ADK: variants seen among roughly 807,000 people sequenced by gnomAD.
ADK encodes adenosine kinase.
In ADK, 24 loss-of-function variants were observed where a neutral mutation model predicts 44.7. The observed-to-expected ratio is 0.54, with a 90% CI of 0.39 to 0.76. The LOEUF (loss-of-function observed/expected upper bound fraction) is 0.76, where lower values mean the gene tolerates loss of function less well. Among genes scored for constraint, ADK ranks in the 30% least tolerant of loss-of-function variants. ADK has a pLI of 0.00. For missense variants in ADK, 321 were observed against 425.1 expected, an observed-to-expected ratio of 0.76 and a Z score of 2.15; for synonymous variants, 128 against 142.6, an observed-to-expected ratio of 0.90 and a Z score of 0.73.
Position 74,204,298 on chromosome 10 carries a change from C to T in ADK, c.140+3460C>T, listed in dbSNP as rs192763188. On this transcript the variant is annotated intron_variant, in intron 2 of 10. Transcript: ENST00000539909. ...ATTTTAGCAGTGTTTAGTAGGTTTT[C>T]AGTGCATAAGTCTTATACTTCTTTG... Among the ~76,000 whole-genome samples the T allele has an allele frequency of 1.2e-3, 189 of 152,190 alleles. No individual in the cohort carries two copies. In the Middle Eastern group the frequency reaches 0.014, roughly 11 times the overall value.
At chr10:74,700,451 C>T (rs1289382582) in intron 10 of ADK, among the ~76,000 whole-genome samples, 1 of 152,118 alleles carries the variant, frequency 6.6e-6, no homozygotes, top group African/African-American at 2.4e-5. Flanking sequence ...CCACGTTGGC[C>T]AGGCAGGTCT....
rs66502036 is a variant in ADK, at chr10:74,695,472, ATGTG to A, written c.965-12827_965-12824del. Among the ~76,000 whole-genome samples the A allele has an allele frequency of 1.6e-3, 232 of 148,588 alleles. 2 individuals are homozygous for A. Among genetic ancestry groups the A allele is most frequent in the Middle Eastern group, 3.5e-3 (1 of 286 alleles). Reference sequence around the variant, plus strand: ...AAAACTGTTGCTCTTGTATATATATATGTGTGTGTGTGTGTGTGTGTGTGTATGT... The same window carrying A: ...AAAACTGTTGCTCTTGTATATATATATGTGTGTGTGTGTGTGTGTGTATGT... On this transcript the variant is annotated intron_variant, in intron 10 of 10. Transcript: ENST00000539909.
At chr10:74,535,893 T>C (rs1283795265) in intron 7 of ADK, among the ~76,000 whole-genome samples, 1 of 152,078 alleles carries the variant, frequency 6.6e-6, no homozygotes, top group Non-Finnish European at 1.5e-5. Context: ...CAGCTGACCC[T>C]ATTTTAAATA....
chr10:74,348,752 A>G (rs752140916), intron 4 of ADK, among the ~76,000 whole-genome samples: 1 of 151,822 alleles, frequency 6.6e-6, no homozygotes, highest in Admixed American at 6.6e-5. Context: ...CAGCACGAGC[A>G]CTTCATGAAG....
At chr10:74,196,399 G>A (rs546675243) in intron 1 of ADK, among the ~76,000 whole-genome samples, 1 of 152,216 alleles carries the variant, frequency 6.6e-6, no homozygotes, top group Admixed American at 6.5e-5. Context: ...AATTAGCTGG[G>A]CATAGTGGTG....
chr10:74,396,656 A>G (rs1438778802), intron 5 of ADK, among the ~76,000 whole-genome samples: 2 of 152,238 alleles, frequency 1.3e-5, no homozygotes, highest in East Asian at 3.9e-4. Flanking sequence ...GATAATAAGA[A>G]TACTCATATT....
intron 3 of ADK, among the ~76,000 whole-genome samples, chr10:74,245,594 G>GTTTTT (rs11377208): frequency 7.1e-6 from 1 of 141,270 alleles, no homozygotes; most frequent in Non-Finnish European, 1.5e-5. Flanking sequence ...TTTTGTTTTT[G>GTTTTT]TTTTTTTTTT....
chr10:74,261,493 ATTAGT>A (rs779037220), intron 3 of ADK, among the ~76,000 whole-genome samples: 2 of 152,000 alleles, frequency 1.3e-5, no homozygotes, highest in Non-Finnish European at 2.9e-5. Context: ...TTTTAGTCTT[ATTAGT>A]TTATGCCCTT....
intron 1 of ADK, among the ~76,000 whole-genome samples, chr10:74,198,315 A>G (rs1843240857): frequency 1.3e-5 from 2 of 152,218 alleles, no homozygotes; most frequent in African/African-American, 4.8e-5. Context: ...TGAATAAGTA[A>G]GTGTATTATC....
intron 1 of ADK, 142 bp downstream of exon 1, chr10:74,151,485 G>C (rs1841585888): frequency 1.1e-6 from 1 of 885,036 alleles, no homozygotes; most frequent in South Asian, 1.5e-5. Context: ...CCAGCTGCCC[G>C]CTTGGCCGCG....
At chr10:74,407,320 A>T (rs977579153) in intron 6 of ADK, among the ~76,000 whole-genome samples, 10 of 152,150 alleles carry the variant, frequency 6.6e-5, no homozygotes, top group Non-Finnish European at 1.3e-4. Context: ...ATCTGCCATT[A>T]ATCTCATCCA....
At chr10:74,449,606 G>A (rs558724106) in intron 6 of ADK, among the ~76,000 whole-genome samples, 1 of 152,222 alleles carries the variant, frequency 6.6e-6, no homozygotes, top group East Asian at 1.9e-4. Flanking sequence ...GATTATAAAG[G>A]AAACAAAGGT....
intron 6 of ADK, among the ~76,000 whole-genome samples, chr10:74,405,178 A>T (rs1169176955): frequency 6.6e-6 from 1 of 152,070 alleles, no homozygotes; most frequent in Non-Finnish European, 1.5e-5. Context: ...ATAAAGCTAA[A>T]TATTTCTTAC....
intron 4 of ADK, among the ~76,000 whole-genome samples, chr10:74,318,026 C>T (rs182736397): frequency 3.9e-5 from 6 of 152,088 alleles, no homozygotes; most frequent in East Asian, 3.9e-4. Flanking sequence ...GTGATCCACC[C>T]GCCTCGGCTT....
intron 9 of ADK, among the ~76,000 whole-genome samples, chr10:74,647,661 A>G (rs906073322): frequency 6.6e-6 from 1 of 152,190 alleles, no homozygotes; most frequent in Non-Finnish European, 1.5e-5. Flanking sequence ...TGCAAACGTT[A>G]TTCAGAAACG....
At chr10:74,428,291 C>G (rs1286848930) in intron 6 of ADK, among the ~76,000 whole-genome samples, 2 of 152,146 alleles carry the variant, frequency 1.3e-5, no homozygotes, top group Non-Finnish European at 2.9e-5. Flanking sequence ...AACTAAAGCT[C>G]TTCACTCAAA....
chr10:74,457,946 C>G (rs1283501193), intron 6 of ADK, among the ~76,000 whole-genome samples: 1 of 151,882 alleles, frequency 6.6e-6, no homozygotes, highest in Non-Finnish European at 1.5e-5. Context: ...CAGCAAACCA[C>G]CATGGCATGT....
At chr10:74,346,021 A>T (rs1217047790) in intron 4 of ADK, among the ~76,000 whole-genome samples, 1 of 152,136 alleles carries the variant, frequency 6.6e-6, no homozygotes, top group Non-Finnish European at 1.5e-5. Context: ...CAGCCCCCTG[A>T]GTAACTGGGA....
intron 9 of ADK, among the ~76,000 whole-genome samples, chr10:74,605,802 G>T (rs577977983): frequency 6.6e-6 from 1 of 152,292 alleles, no homozygotes; most frequent in Non-Finnish European, 1.5e-5. Flanking sequence ...GTTTGGAATA[G>T]TTTCAGAAGG....
Sources: gnomAD v4.1 joint callset for allele counts (sites outside exome capture counted in the v4.1 genomes callset) on GRCh38, gnomAD v4.1.1 for gene constraint, MANE v1.5 for transcripts, NCBI Gene and HGNC (gene_info 2026-07-23, HGNC 2026-07-21) for gene names.